Variants in NPL observed in about 807,000 individuals in gnomAD.
NPL encodes the protein N-acetylneuraminate lyase.
NPL carries 32 observed loss-of-function variants against 41.1 expected under a neutral mutation model. That is an observed-to-expected ratio of 0.78 (90% CI 0.59 to 1.05). The LOEUF (loss-of-function observed/expected upper bound fraction) is 1.05. Among genes scored for constraint, NPL ranks in the 50% least tolerant of loss-of-function variants. NPL has a pLI of 0.00. For missense variants in NPL, 321 were observed against 378.4 expected, an observed-to-expected ratio of 0.85 and a Z score of 1.26; for synonymous variants, 128 against 134.9, an observed-to-expected ratio of 0.95 and a Z score of 0.35.
At chr1:182,795,023 A>T (rs1322369765) in intron 3 of NPL, among the ~76,000 whole-genome samples, 1 of 152,190 alleles carries the variant, frequency 6.6e-6, no homozygotes, top group Non-Finnish European at 1.5e-5. Flanking sequence ...TCCGTTGTTG[A>T]CTAATCATTA....
chr1:182,810,679 T>C (rs1331601855), intron 5 of NPL, among the ~76,000 whole-genome samples: 1 of 152,104 alleles, frequency 6.6e-6, no homozygotes, highest in Non-Finnish European at 1.5e-5. Context: ...CTTTTTTCTC[T>C]TTTTTTCCTC....
At position 182,816,873 on chromosome 1, in the gene NPL, A is replaced by C. The variant is rs1667348123; in HGVS notation, c.457+67A>C. The C allele has an allele frequency of 4.8e-6, 6 of 1,257,272 alleles. No individual in the cohort carries two copies. The Admixed American group carries it at 7.0e-5, about 15-fold the overall frequency. The allele number at this position is 1,257,272 out of a possible 1,614,324, so 77.9% of individuals were successfully genotyped here. A position where few individuals can be genotyped will look rare whatever the true frequency, so the allele number is the denominator to read the frequency against. The stretch of plus-strand genomic sequence containing the variant: ...CACATCTTACCCTATTATGCTAAGA[A>C]ACTCCACTCCATCCCACCCTACCCC... On this transcript the variant is annotated intron_variant, in intron 8 of 12. Coordinates refer to ENST00000367553, the MANE Select transcript of NPL (RefSeq NM_030769.3).
At chr1:182,807,211 A>T (rs1465148606) in intron 5 of NPL, among the ~76,000 whole-genome samples, 1 of 152,160 alleles carries the variant, frequency 6.6e-6, no homozygotes, top group Non-Finnish European at 1.5e-5. Flanking sequence ...AGTATAAAGT[A>T]AGGGCTCTGC....
intron 3 of NPL, among the ~76,000 whole-genome samples, chr1:182,796,365 A>T (rs1002371503): frequency 1.3e-5 from 2 of 151,920 alleles, no homozygotes; most frequent in Non-Finnish European, 2.9e-5. Flanking sequence ...TAATGTACTT[A>T]CCCACAAGGG....
intron 10 of NPL, among the ~76,000 whole-genome samples, chr1:182,821,167 C>T (rs1030492217): frequency 6.6e-6 from 1 of 152,144 alleles, no homozygotes; most frequent in African/African-American, 2.4e-5. Flanking sequence ...CTGTTGACCC[C>T]AGTTCTATAT....
chr1:182,818,812 G>C lies in NPL; in HGVS notation c.607-1G>C, dbSNP rs1231363411. The C allele has an allele frequency of 6.2e-7, 1 of 1,614,022 alleles. No individual in the cohort carries two copies. The highest frequency in any genetic ancestry group is 1.1e-5 in the South Asian group (1 of 91,076). On this transcript the variant is annotated splice_acceptor_variant, in intron 9 of 12. Transcript: ENST00000367553. LOFTEE classifies it high-confidence loss of function. ...AGTGAATATTTTTTGTTTCTGATTA[G>C]CAACTGTTGAGTGCTCTGGTGATGG... is the stretch of plus-strand genomic sequence containing the variant.
chr1:182,811,520 C>CA (rs1194135711), intron 5 of NPL, among the ~76,000 whole-genome samples: 1 of 152,162 alleles, frequency 6.6e-6, no homozygotes, highest in Non-Finnish European at 1.5e-5. Context: ...TGAGCCACTG[C>CA]ACCTAACCTA....
intron 3 of NPL, among the ~76,000 whole-genome samples, chr1:182,802,259 A>C (rs900120433): frequency 6.6e-6 from 1 of 152,192 alleles, no homozygotes; most frequent in Non-Finnish European, 1.5e-5. Context: ...AGGCTTTATA[A>C]TTGCATTAAC....
At chr1:182,799,007 G>A (rs1006242784) in intron 3 of NPL, among the ~76,000 whole-genome samples, 2 of 152,194 alleles carry the variant, frequency 1.3e-5, no homozygotes, top group African/African-American at 4.8e-5. Flanking sequence ...CATCATGTCA[G>A]GTATGAAAAT....
At chr1:182,806,944 T>C (rs1667031359) in intron 5 of NPL, among the ~76,000 whole-genome samples, 1 of 152,162 alleles carries the variant, frequency 6.6e-6, no homozygotes, top group South Asian at 2.1e-4. Context: ...GTTCAAGCAA[T>C]TCCCCTGCCT....
rs985840948 is a variant in NPL at position 182,829,398 on chromosome 1, C to T, written c.*490C>T. 1.8e-5 allele frequency: 25 copies of T among 1,373,360 alleles called. No homozygotes were observed. The African/African-American group carries it at 2.9e-4, about 16-fold the overall frequency. 85.1% of individuals were successfully genotyped at this position (1,373,360 alleles called of 1,614,324 possible). A position where few individuals can be genotyped will look rare whatever the true frequency, so the allele number is the denominator to read the frequency against. ...TCTCAACTGTATACAACTCAAAATA[C>T]ACCAGCTCATTTGGCTGCTCAGTCT... On this transcript the variant is annotated 3_prime_UTR_variant, in exon 13 of 13. Coordinates refer to ENST00000367553, the MANE Select transcript of NPL (RefSeq NM_030769.3).
At chr1:182,821,924 T>G (rs995175274) in intron 10 of NPL, among the ~76,000 whole-genome samples, 191 bp from the exon 11 acceptor site, 1 of 152,250 alleles carries the variant, frequency 6.6e-6, no homozygotes, top group African/African-American at 2.4e-5. Context: ...CTTCCTTCTC[T>G]GCAGTACTGC....
intron 11 of NPL, among the ~76,000 whole-genome samples, chr1:182,823,598 C>G (rs1055767550): frequency 1.4e-4 from 21 of 152,222 alleles, no homozygotes; most frequent in Middle Eastern, 3.2e-3. Context: ...ATTGTGCAGA[C>G]TCTGCCATCT....
Position 182,829,058 on chromosome 1 carries a change from TAAAAAGTC to T in NPL, c.*151_*158del. The stretch of plus-strand genomic sequence containing the variant: ...GCATTGAGGTACCTTTTGTGAGCCT[TAAAAAGTC>T]TTATTTTGTGAAGGGGCAAAAACTC... On this transcript the variant is annotated 3_prime_UTR_variant, in exon 13 of 13. Coordinates refer to ENST00000367553, the MANE Select transcript of NPL (RefSeq NM_030769.3). 1.4e-6 allele frequency: 2 copies of T among 1,470,940 alleles called. No homozygotes were observed. The highest frequency in any genetic ancestry group is 1.8e-6 in the Non-Finnish European group (2 of 1,119,230). 91.1% of individuals were successfully genotyped at this position (1,470,940 alleles called of 1,614,324 possible).
intron 6 of NPL, among the ~76,000 whole-genome samples, chr1:182,812,419 A>C (rs979077808): frequency 1.4e-4 from 21 of 152,162 alleles, no homozygotes; most frequent in African/African-American, 4.3e-4. Context: ...GTAGGATAGG[A>C]GATGGAAGCA....
At position 182,803,833 on chromosome 1, in the gene NPL, A is replaced by G. The variant is rs928201001; in HGVS notation, c.142+62A>G. On this transcript the variant is annotated intron_variant, in intron 4 of 12. Coordinates refer to ENST00000367553, the MANE Select transcript of NPL (RefSeq NM_030769.3). ...GCTCAGTCTTTAGAAGGTATATCTT[A>G]CCTGGTTACCAGCCAAGAGGTCACA... 3 of 1,159,864 alleles carry G rather than the reference A, an allele frequency of 2.6e-6. No homozygotes were observed. In the African/African-American group the frequency reaches 4.5e-5, roughly 18 times the overall value. The allele number at this position is 1,159,864 out of a possible 1,614,324, so 71.8% of individuals were successfully genotyped here.
rs1667503706 is a variant in NPL, at chr1:182,822,138, A to G, written c.677A>G (p.Lys226Arg). The change falls in exon 11 of 13, where the codon AAG becomes AGG. Residue 226 changes from lysine to arginine, a missense_variant. Coordinates refer to ENST00000367553, the MANE Select transcript of NPL (RefSeq NM_030769.3). ...AGTACCTATAACTACCTGGGAAAAA[A>G]GACAAACCAGATGTTGGAGGCTTTT... ...VGSTYNYLGK[K>R]TNQMLEAFEQ... The G allele has an allele frequency of 6.2e-7, 1 of 1,613,374 alleles. No individual in the cohort carries two copies. Among genetic ancestry groups the G allele is most frequent in the African/African-American group, 1.3e-5 (1 of 75,052 alleles).
rs1301243868 is a variant in NPL at position 182,822,124 on chromosome 1, CT to C, written c.664del (p.Tyr222ThrfsTer20). 1 of 1,610,612 alleles carries C rather than the reference CT, an allele frequency of 6.2e-7. No homozygotes were observed. Among genetic ancestry groups the C allele is most frequent in the East Asian group, 2.2e-5 (1 of 44,858 alleles). On this transcript the variant is annotated frameshift_variant, in exon 11 of 13. Coordinates refer to ENST00000367553, the MANE Select transcript of NPL (RefSeq NM_030769.3). LOFTEE classifies it high-confidence loss of function. ...ATGAVGSTYN[Y>X]LGKKTNQMLE... ...GTTATTGTCTTGCCAGTACCTATAA[CT>C]ACCTGGGAAAAAAGACAAACCAGAT...
In NPL at chr1:182,829,418, C is replaced by T; in HGVS notation, c.*510C>T. On this transcript the variant is annotated 3_prime_UTR_variant, in exon 13 of 13. Transcript: ENST00000367553. ...AAATACACCAGCTCATTTGGCTGCT[C>T]AGTCTAACTCTAGAATGGATGCTTT... is the stretch of plus-strand genomic sequence containing the variant. 2 of 1,397,564 alleles carry T rather than the reference C, an allele frequency of 1.4e-6. No homozygotes were observed. Among genetic ancestry groups the T allele is most frequent in the African/African-American group, 2.9e-5 (2 of 68,796 alleles). 86.6% of individuals were successfully genotyped at this position (1,397,564 alleles called of 1,614,324 possible).
Sources: allele counts gnomAD v4.1 joint callset (sites outside exome capture counted in the v4.1 genomes callset), GRCh38; gene constraint gnomAD v4.1.1; transcripts MANE v1.5; gene names NCBI Gene and HGNC (gene_info 2026-07-23, HGNC 2026-07-21).